Variants in UBXN11 observed in about 807,000 individuals in gnomAD.
UBXN11 encodes UBX domain protein 11.
Under a neutral mutation model 62.8 loss-of-function variants are expected in UBXN11, and 47 were observed. The observed-to-expected ratio is 0.75, with a 90% CI of 0.59 to 0.95. The LOEUF is 0.95. Among genes scored for constraint, UBXN11 ranks in the 40% least tolerant of loss-of-function variants. The pLI, the probability that UBXN11 is intolerant of heterozygous loss-of-function variation, is 0.00. For synonymous variants in UBXN11, 294 were observed against 267.0 expected, an observed-to-expected ratio of 1.10 and a Z score of -0.99; for missense variants, 638 against 661.7, an observed-to-expected ratio of 0.96 and a Z score of 0.39.
rs144336192 is a variant in UBXN11 at position 26,300,372 on chromosome 1, G to A, written c.199+554C>T. On this transcript the variant is annotated intron_variant, in intron 4 of 14. Coordinates refer to ENST00000374222, the MANE Select transcript of UBXN11 (RefSeq NM_001389556.1). ...AAGATACCACAGCTAGTGAGCTAGT[G>A]GAAAGTTCTAACCTTATCCCCAGCA... Among the ~76,000 whole-genome samples the A allele has an allele frequency of 7.7e-4, 118 of 152,318 alleles. 3 individuals carry two copies. In the East Asian group the frequency reaches 0.016, roughly 21 times the overall value.
At chr1:26,296,849 C>T in intron 7 of UBXN11, 70 bp downstream of exon 7, 1 of 1,509,662 alleles carries the variant, frequency 6.6e-7, no homozygotes, top group Non-Finnish European at 9.0e-7. Flanking sequence ...GGACCCAGCT[C>T]CTGAGGAACA....
rs2073029225 is a variant in UBXN11 at position 26,282,747 on chromosome 1, C to T, written c.1194G>A (p.Met398Ile). The T allele has an allele frequency of 6.2e-7, 1 of 1,614,076 alleles. No homozygotes were observed. Among genetic ancestry groups the T allele is most frequent in the South Asian group, 1.1e-5 (1 of 91,090 alleles). The change falls in exon 14 of 15, where the codon ATG becomes ATA. Residue 398 changes from methionine to isoleucine, a missense_variant. Physicochemically the swap from Met to Ile is conservative, Grantham distance 10 (BLOSUM62 1). Transcript: ENST00000374222. ...CCCCATTCTCAGACTTGATGCGCAG[C>T]ATGGAGAGCGGGGGTGCCGGCGTGT... The part of the protein sequence containing the change: ...SPNTPAPPLS[M>I]LRIKSENGEQ...
intron 1 of UBXN11, among the ~76,000 whole-genome samples, chr1:26,313,970 T>C (rs2124682166): frequency 6.6e-6 from 1 of 151,816 alleles, no homozygotes. Context: ...TTAGTAGAGA[T>C]GGGGTTTCAC....
At position 26,302,823 on chromosome 1, in the gene UBXN11, T is replaced by C. The variant is rs199686425; in HGVS notation, c.61A>G (p.Met21Val). Residue 21 changes from methionine (M) to valine (V), a missense_variant, in exon 2 of 15, where the codon ATG becomes GTG. Physicochemically the swap from Met to Val is conservative, Grantham distance 21. Coordinates refer to ENST00000374222, the MANE Select transcript of UBXN11 (RefSeq NM_001389556.1). The stretch of plus-strand genomic sequence containing the variant: ...AGGCTGGCTCCTTACCCAGGATTCA[T>C]AGGCTCCGAGGGCAGGGGCACTTTT... ...TRKVPLPSEP[M>V]NPGRRGIRIY... The C allele has an allele frequency of 6.2e-7, 1 of 1,613,788 alleles. No homozygotes were observed. Among genetic ancestry groups the C allele is most frequent in the South Asian group, 1.1e-5 (1 of 91,052 alleles).
At chr1:26,313,199 T>C (rs2073760993) in intron 1 of UBXN11, among the ~76,000 whole-genome samples, 1 of 152,088 alleles carries the variant, frequency 6.6e-6, no homozygotes. Context: ...CCCTGCTGTA[T>C]TCCATTCTAT....
At chr1:26,298,400 G>C (rs1304086052) in intron 4 of UBXN11, among the ~76,000 whole-genome samples, 1 of 152,186 alleles carries the variant, frequency 6.6e-6, no homozygotes, top group African/African-American at 2.4e-5. Context: ...TCCAAATCTA[G>C]TGTCCAGTTG....
rs2073021106 is a variant in UBXN11 at position 26,282,478 on chromosome 1, C to T, written c.1384G>A (p.Val462Met). Residue 462 changes from valine (V) to methionine (M), a missense_variant, in exon 15 of 15, where the codon GTG becomes ATG. Coordinates refer to ENST00000374222, the MANE Select transcript of UBXN11 (RefSeq NM_001389556.1). The stretch of plus-strand genomic sequence containing the variant: ...CGCAGCAGCAGTGCTGCTTTGGGCA[C>T]AAGGCCTGCAGCCTGCAGCGTGAGT... ...DTLTLQAAGL[V>M]PKAALLLRAR... The T allele has an allele frequency of 5.6e-6, 9 of 1,609,054 alleles. No individual in the cohort carries two copies. The highest frequency in any genetic ancestry group is 7.6e-6 in the Non-Finnish European group (9 of 1,178,108).
At chr1:26,284,619 G>A in intron 10 of UBXN11, 137 bp from the exon 11 acceptor site, 2 of 1,398,862 alleles carry the variant, frequency 1.4e-6, no homozygotes, top group Admixed American at 3.3e-5. Flanking sequence ...GGAAACCCAG[G>A]CCTCAGGAGA....
intron 1 of UBXN11, among the ~76,000 whole-genome samples, chr1:26,313,498 T>C (rs1228032162): frequency 2.0e-5 from 3 of 152,222 alleles, no homozygotes; most frequent in African/African-American, 7.2e-5. Flanking sequence ...CATTGTTTTT[T>C]ATTAGTCTTC....
At chr1:26,305,543 T>G (rs1272959280) in intron 1 of UBXN11, among the ~76,000 whole-genome samples, 2 of 152,108 alleles carry the variant, frequency 1.3e-5, no homozygotes, top group African/African-American at 4.8e-5. Context: ...AAATCTACTT[T>G]CTGTTCTATA....
At chr1:26,296,889 C>A in intron 7 of UBXN11, 30 bp downstream of exon 7, 1 of 1,581,744 alleles carries the variant, frequency 6.3e-7, no homozygotes, top group South Asian at 1.1e-5. Flanking sequence ...CTGCTGGCTG[C>A]CCGCATCCCC....
At position 26,302,131 on chromosome 1, in the gene UBXN11, G is replaced by A. The variant is rs548475308; in HGVS notation, c.72-409C>T. On this transcript the variant is annotated intron_variant, in intron 2 of 14. Transcript: ENST00000374222. ...GGTAATTCCAGCACTTTGGGAGGCCGAGGTGGGCAGATCACGAGGTCAGGA... is the reference window on the plus strand; with the variant it reads ...GGTAATTCCAGCACTTTGGGAGGCCAAGGTGGGCAGATCACGAGGTCAGGA... Among the ~76,000 whole-genome samples, 17 of 152,254 alleles carry A rather than the reference G, an allele frequency of 1.1e-4. No individual in the cohort carries two copies. In the East Asian group the frequency reaches 1.2e-3, roughly 10 times the overall value.
intron 8 of UBXN11, among the ~76,000 whole-genome samples, chr1:26,292,721 G>A (rs1003337500): frequency 6.6e-6 from 1 of 152,024 alleles, no homozygotes; most frequent in African/African-American, 2.4e-5. Flanking sequence ...GGGCATGGTG[G>A]TGGGCGCCTG....
chr1:26,290,243 T>C (rs2073228166), intron 8 of UBXN11, among the ~76,000 whole-genome samples: 1 of 151,986 alleles, frequency 6.6e-6, no homozygotes, highest in Non-Finnish European at 1.5e-5. Context: ...AACAGCTAGG[T>C]GACAGTGGCT....
chr1:26,284,409 C>A lies in UBXN11; in HGVS notation c.926G>T (p.Gly309Val), dbSNP rs1368148624. 6.2e-7 allele frequency: 1 copy of A among 1,613,794 alleles called. No individual in the cohort carries two copies. Among genetic ancestry groups the A allele is most frequent in the Admixed American group, 1.7e-5 (1 of 59,972 alleles). Reference protein sequence around the residue: ...DPFPGEGRVVGRQLMHKALDR... With the variant: ...DPFPGEGRVVVRQLMHKALDR... Reference sequence around the variant, plus strand: ...CAAGGCCTTGTGCATCAGCTGCCTGCCCACCACACGGCCCTCGCCTGGGAA... The same window carrying A: ...CAAGGCCTTGTGCATCAGCTGCCTGACCACCACACGGCCCTCGCCTGGGAA... Residue 309 changes from glycine to valine, a missense_variant, in exon 11 of 15, where the codon GGC becomes GTC. Coordinates refer to ENST00000374222, the MANE Select transcript of UBXN11 (RefSeq NM_001389556.1).
upstream of UBXN11, chr1:26,306,849 T>G: frequency 1.1e-5 from 1 of 93,534 alleles, no homozygotes. Flanking sequence ...GGGTGGTTCG[T>G]TCCTACCCTC....
intron 8 of UBXN11, among the ~76,000 whole-genome samples, chr1:26,290,807 G>A (rs2073243670): frequency 6.6e-6 from 1 of 151,682 alleles, no homozygotes; most frequent in African/African-American, 2.4e-5. Context: ...AGGGGAACAG[G>A]GAAGTAGTGA....
intron 1 of UBXN11, among the ~76,000 whole-genome samples, chr1:26,316,774 C>T (rs943709548): frequency 2.0e-5 from 3 of 151,764 alleles, no homozygotes; most frequent in African/African-American, 4.8e-5. Context: ...TTCCTCTCAT[C>T]CCCCCACCCC....
rs372759431 is a variant in UBXN11 at position 26,302,341 on chromosome 1, G to A, written c.71+472C>T. On this transcript the variant is annotated intron_variant, in intron 2 of 14. Transcript: ENST00000374222. The stretch of plus-strand genomic sequence containing the variant: ...TGCCACTGCAATCCACAGCCTGGGC[G>A]ACAGAGCGAGACTTGGTCTTTAAAA... 1.2e-3 allele frequency among the ~76,000 whole-genome samples: 164 copies of A among 132,474 alleles called. 1 individual carries two copies. The highest frequency in any genetic ancestry group is 4.6e-3 in the African/African-American group (158 of 34,282). The allele number at this position is 132,474 out of a possible 152,430, so 86.9% of individuals were successfully genotyped here.
Sources: gnomAD v4.1 joint callset for allele counts (sites outside exome capture counted in the v4.1 genomes callset) on GRCh38, gnomAD v4.1.1 for gene constraint, MANE v1.5 for transcripts, NCBI Gene and HGNC (gene_info 2026-07-23, HGNC 2026-07-21) for gene names.